RAPGEF2: variants seen among roughly 807,000 people sequenced by gnomAD.
RAPGEF2 encodes Rap guanine nucleotide exchange factor 2, also known as PDZ domain containing guanine nucleotide exchange factor (GEF) 1.
Under a neutral mutation model 186.7 loss-of-function variants are expected in RAPGEF2, and 54 were observed. That is an observed-to-expected ratio of 0.29 (90% CI 0.23 to 0.36). The LOEUF is 0.36. RAPGEF2 is among the 10% of genes least tolerant of loss of function. The pLI, the probability that RAPGEF2 is intolerant of heterozygous loss-of-function variation, is 1.00. For missense variants in RAPGEF2, 1,532 were observed against 2,045.0 expected (o/e 0.75, Z 4.84); for synonymous variants, 712 against 705.9 (o/e 1.01, Z -0.14).
intron 1 of RAPGEF2, among the ~76,000 whole-genome samples, chr4:159,159,622 A>T (rs1327038464): frequency 6.6e-6 from 1 of 152,236 alleles, no homozygotes; most frequent in Non-Finnish European, 1.5e-5. Context: ...TCTTAAAAAG[A>T]GTATTTCAGA....
chr4:159,146,710 A>C (rs924593132), intron 1 of RAPGEF2, among the ~76,000 whole-genome samples: 2 of 152,184 alleles, frequency 1.3e-5, no homozygotes, highest in African/African-American at 4.8e-5. Flanking sequence ...ACCAGAACTA[A>C]AGCTATTACC....
chr4:159,169,708 C>G (rs1472376589), intron 1 of RAPGEF2, among the ~76,000 whole-genome samples: 1 of 152,106 alleles, frequency 6.6e-6, no homozygotes, highest in Non-Finnish European at 1.5e-5. Flanking sequence ...GCTTATCTCA[C>G]TTAACATATC....
intron 19 of RAPGEF2, among the ~76,000 whole-genome samples, chr4:159,340,572 TAC>T (rs1729247107): frequency 6.6e-6 from 1 of 152,036 alleles, no homozygotes; most frequent in Admixed American, 6.6e-5. Context: ...GTAGGGCCCC[TAC>T]TATGCTCATT....
At chr4:159,301,777 T>G (rs1425349374) in intron 7 of RAPGEF2, among the ~76,000 whole-genome samples, 1 of 152,198 alleles carries the variant, frequency 6.6e-6, no homozygotes, top group Non-Finnish European at 1.5e-5. Flanking sequence ...AAGGATCACT[T>G]CAGCCCAGGA....
chr4:159,267,242 T>C lies in RAPGEF2; in HGVS notation c.543+23451T>C, dbSNP rs1333898566. On this transcript the variant is annotated intron_variant, in intron 7 of 29. Coordinates refer to ENST00000691494, the MANE Select transcript of RAPGEF2 (RefSeq NM_001394067.2). Reference sequence around the variant, plus strand: ...GAATTTTTTATTTAGAAAAGGAAGCTTTCTATCCAGGAAATGGCTTTCCTT... The same window carrying C: ...GAATTTTTTATTTAGAAAAGGAAGCCTTCTATCCAGGAAATGGCTTTCCTT... 7 of 1,289,306 alleles carry C rather than the reference T, an allele frequency of 5.4e-6. No homozygotes were observed. In the South Asian group the frequency reaches 8.6e-5, roughly 16 times the overall value. 79.9% of individuals were successfully genotyped at this position (1,289,306 alleles called of 1,614,324 possible).
In RAPGEF2 at chr4:159,341,524, T is replaced by G. The variant is rs200841602; in HGVS notation, c.2535-40T>G. The stretch of plus-strand genomic sequence containing the variant: ...CTTTCAAGGAATATCATGAGATTGC[T>G]GCTTAGGCTTTGACTCTGATATGTT... On this transcript the variant is annotated intron_variant, in intron 19 of 29. Coordinates refer to ENST00000691494, the MANE Select transcript of RAPGEF2 (RefSeq NM_001394067.2). The G allele has an allele frequency of 2.0e-6, 3 of 1,526,924 alleles. No homozygotes were observed. The Admixed American group carries it at 6.6e-5, about 34-fold the overall frequency. 94.6% of individuals were successfully genotyped at this position (1,526,924 alleles called of 1,614,324 possible). A position where few individuals can be genotyped will look rare whatever the true frequency, so the allele number is the denominator to read the frequency against.
At chr4:159,114,342 T>G (rs1422909056) in intron 1 of RAPGEF2, among the ~76,000 whole-genome samples, 1 of 152,038 alleles carries the variant, frequency 6.6e-6, no homozygotes, top group Non-Finnish European at 1.5e-5. Context: ...GACCTCGTGA[T>G]CCGCCCACTG....
chr4:159,299,403 C>T (rs1431628086), intron 7 of RAPGEF2, among the ~76,000 whole-genome samples: 1 of 149,392 alleles, frequency 6.7e-6, no homozygotes, highest in Non-Finnish European at 1.5e-5. Context: ...TGATATGTAT[C>T]TTGGACCATG....
At chr4:159,144,616 T>C (rs1407288347) in intron 1 of RAPGEF2, among the ~76,000 whole-genome samples, 2 of 152,246 alleles carry the variant, frequency 1.3e-5, no homozygotes, top group East Asian at 1.9e-4. Flanking sequence ...ACATGTTTAC[T>C]CTGTTGAACT....
At chr4:159,110,906 A>G (rs539968160) in intron 1 of RAPGEF2, among the ~76,000 whole-genome samples, 1 of 151,730 alleles carries the variant, frequency 6.6e-6, no homozygotes, top group Non-Finnish European at 1.5e-5. Flanking sequence ...TAGAATATAT[A>G]TTTATGTATT....
intron 11 of RAPGEF2, 172 bp from the exon 12 acceptor site, chr4:159,329,686 A>G (rs544155252): frequency 4.7e-6 from 2 of 423,332 alleles, no homozygotes; most frequent in African/African-American, 2.0e-5. Context: ...CAAGGAAGAA[A>G]TACATTAAAA....
chr4:159,326,925 A>T (rs1393651686), intron 11 of RAPGEF2: 3 of 152,230 alleles, frequency 2.0e-5, no homozygotes, highest in Non-Finnish European at 4.4e-5. Flanking sequence ...GAACACTTGG[A>T]TACCCATGTG....
intron 1 of RAPGEF2, among the ~76,000 whole-genome samples, chr4:159,177,186 CTTATAAG>C: frequency 6.7e-6 from 1 of 150,310 alleles, no homozygotes; most frequent in South Asian, 2.1e-4. Context: ...TTTAGGGACC[CTTATAAG>C]TATTATAAGA....
intron 8 of RAPGEF2, among the ~76,000 whole-genome samples, chr4:159,305,257 C>T: frequency 6.6e-6 from 1 of 152,204 alleles, no homozygotes; most frequent in East Asian, 1.9e-4. Flanking sequence ...AATCTCCATA[C>T]TGTTTTTCAT....
At chr4:159,214,524 G>A (rs1383314639) in intron 4 of RAPGEF2, among the ~76,000 whole-genome samples, 1 of 152,070 alleles carries the variant, frequency 6.6e-6, no homozygotes, top group Non-Finnish European at 1.5e-5. Context: ...CCCTAAATCA[G>A]TATATTTAAA....
At chr4:159,303,637 C>T (rs1762940692) in intron 7 of RAPGEF2, among the ~76,000 whole-genome samples, 1 of 145,828 alleles carries the variant, frequency 6.9e-6, no homozygotes, top group African/African-American at 2.8e-5. Context: ...GTCAAATAAG[C>T]GGTTTTTTTT....
chr4:159,248,102 A>G (rs1754868908), intron 7 of RAPGEF2, among the ~76,000 whole-genome samples: 1 of 152,108 alleles, frequency 6.6e-6, no homozygotes, highest in African/African-American at 2.4e-5. Context: ...AAATAGCTCT[A>G]ATTCATTAAT....
intron 7 of RAPGEF2, among the ~76,000 whole-genome samples, chr4:159,287,436 T>C (rs1760645193): frequency 6.6e-6 from 1 of 152,124 alleles, no homozygotes; most frequent in Non-Finnish European, 1.5e-5. Flanking sequence ...AATATTAATA[T>C]GGATTATTTT....
Position 159,350,147 on chromosome 4 carries a change from T to G in RAPGEF2, c.3723T>G (p.Ser1241=). 6.4e-7 allele frequency: 1 copy of G among 1,563,570 alleles called. No homozygotes were observed. The highest frequency in any genetic ancestry group is 8.7e-7 in the Non-Finnish European group (1 of 1,153,270). Residue 1241 remains serine, a synonymous_variant, in exon 26 of 30, where the codon TCT becomes TCG. Transcript: ENST00000691494. ...VKDLPPFGIN[S]PQALKKILSL... ...TTTTTTCCATTATAGGCATAAACTC[T>G]CCACAAGCTTTAAAAAAAATTCTTT... is the stretch of plus-strand genomic sequence containing the variant.
Sources: gnomAD v4.1 joint callset for allele counts (sites outside exome capture counted in the v4.1 genomes callset) on GRCh38, gnomAD v4.1.1 for gene constraint, MANE v1.5 for transcripts, NCBI Gene and HGNC (gene_info 2026-07-23, HGNC 2026-07-21) for gene names.